CCDC34: variants seen among roughly 807,000 people sequenced by gnomAD.
CCDC34 encodes the protein coiled-coil domain containing 34, also known as coiled-coil domain-containing protein 34.
A neutral mutation model predicts 44.1 loss-of-function variants in CCDC34; 40 were observed. That is an observed-to-expected ratio of 0.91 (90% confidence interval 0.70 to 1.18). The LOEUF (loss-of-function observed/expected upper bound fraction) is 1.18. CCDC34 is among the 50% of genes most tolerant of loss of function. The probability of loss-of-function intolerance (pLI) is 0.00; values close to 1 mark genes in which losing one functional copy is unlikely to be tolerated. For synonymous variants in CCDC34, 159 were observed against 158.2 expected (o/e 1.01, Z -0.04); for missense variants, 466 against 452.3 (o/e 1.03, Z -0.28).
Position 27,350,403 on chromosome 11 carries a change from C to A in CCDC34, c.535G>T (p.Glu179Ter). The change falls in exon 3 of 6, where the codon GAA becomes TAA. Residue 179 changes from glutamate (E) to a stop codon, truncating the protein, a stop_gained. Transcript: ENST00000328697. LOFTEE classifies it high-confidence loss of function. Reference sequence around the variant, plus strand: ...ATTATCTTTCTTTTTTCACGTTCTTCCATTTCTTTTCTTTTTTCTAGTTGT... The same window carrying A: ...ATTATCTTTCTTTTTTCACGTTCTTACATTTCTTTTCTTTTTTCTAGTTGT... ...NQQLEKRKEM[E>*]EREKRKIIAE... 1 of 1,610,496 alleles carries A rather than the reference C, an allele frequency of 6.2e-7. No individual in the cohort carries two copies. Among genetic ancestry groups the A allele is most frequent in the Non-Finnish European group, 8.5e-7 (1 of 1,178,172 alleles).
intron 3 of CCDC34, chr11:27,349,956 G>A: frequency 4.6e-6 from 5 of 1,091,240 alleles, no homozygotes; most frequent in Non-Finnish European, 5.6e-6. Flanking sequence ...TGATGACCGA[G>A]AAGACAGCTG....
chr11:27,346,483 G>A (rs1165364620), intron 3 of CCDC34, among the ~76,000 whole-genome samples: 1 of 124,404 alleles, frequency 8.0e-6, no homozygotes, highest in Non-Finnish European at 1.6e-5. Context: ...AAGAAGGAAG[G>A]AAGGAAGGAA....
intron 3 of CCDC34, among the ~76,000 whole-genome samples, chr11:27,342,801 T>A (rs1862380158): frequency 6.6e-6 from 1 of 152,202 alleles, no homozygotes; most frequent in Non-Finnish European, 1.5e-5. Context: ...AGACTATAAC[T>A]CAATATTTTT....
chr11:27,361,316 T>C (rs1184823491), intron 1 of CCDC34, among the ~76,000 whole-genome samples: 7 of 152,222 alleles, frequency 4.6e-5, no homozygotes, highest in Non-Finnish European at 8.8e-5. Context: ...TCTTGGAAAC[T>C]AATGCAAGGT....
At chr11:27,362,590 C>T (rs1350656342) in intron 1 of CCDC34, among the ~76,000 whole-genome samples, 1 of 152,052 alleles carries the variant, frequency 6.6e-6, no homozygotes, top group Non-Finnish European at 1.5e-5. Flanking sequence ...GTACATTTTT[C>T]TGGGAAGTGA....
Position 27,358,491 on chromosome 11 carries a change from T to C in CCDC34, c.360-950A>G, listed in dbSNP as rs559121401. 2.0e-5 allele frequency among the ~76,000 whole-genome samples: 3 copies of C among 152,358 alleles called. No individual in the cohort carries two copies. The East Asian group carries it at 5.8e-4, about 29-fold the overall frequency. ...TTCACCCACTGCTTTGCACAACTTT[T>C]CTACTTCATAGATTCAGCTTACTCA... On this transcript the variant is annotated intron_variant, in intron 1 of 5. Coordinates refer to ENST00000328697, the MANE Select transcript of CCDC34 (RefSeq NM_030771.2).
At chr11:27,358,956 G>T in intron 1 of CCDC34, among the ~76,000 whole-genome samples, 1 of 52,470 alleles carries the variant, frequency 1.9e-5, no homozygotes, top group African/African-American at 3.8e-5. Flanking sequence ...GTCAACATGT[G>T]GACCCCCCCC....
chr11:27,358,759 T>C (rs893081775), intron 1 of CCDC34, among the ~76,000 whole-genome samples: 4 of 152,148 alleles, frequency 2.6e-5, no homozygotes, highest in African/African-American at 9.7e-5. Context: ...TTTCCAACTA[T>C]GTGATACATA....
rs1862598650 is a variant in CCDC34 at position 27,357,636 on chromosome 11, G to C, written c.360-95C>G. 7 of 1,038,944 alleles carry C rather than the reference G, an allele frequency of 6.7e-6. 1 individual carries two copies. The South Asian group carries it at 1.7e-4, about 25-fold the overall frequency. 64.4% of individuals were successfully genotyped at this position (1,038,944 alleles called of 1,614,324 possible). On this transcript the variant is annotated intron_variant, in intron 1 of 5. Transcript: ENST00000328697. ...TGTACAGTAAAAGCAAAACTTAATA[G>C]TGTATTTTCAATATTGTGATTTTTA... is the stretch of plus-strand genomic sequence containing the variant.
intron 3 of CCDC34, among the ~76,000 whole-genome samples, chr11:27,345,650 G>C (rs373688868): frequency 1.3e-5 from 2 of 152,038 alleles, no homozygotes; most frequent in South Asian, 4.1e-4. Context: ...ATTCCATGGT[G>C]TATATGTGCC....
Position 27,350,076 on chromosome 11 carries a change from G to C in CCDC34, c.606+256C>G, listed in dbSNP as rs1265605273. ...TTGCCATAAGGATCCAAAAGGTCAG[G>C]CCTAGAAATACAGACTTGGTGACTG... is the stretch of plus-strand genomic sequence containing the variant. On this transcript the variant is annotated intron_variant, in intron 3 of 5. Coordinates refer to ENST00000328697, the MANE Select transcript of CCDC34 (RefSeq NM_030771.2). 5 of 1,342,960 alleles carry C rather than the reference G, an allele frequency of 3.7e-6. No homozygotes were observed. The Admixed American group carries it at 1.8e-4, about 48-fold the overall frequency. 83.2% of individuals were successfully genotyped at this position (1,342,960 alleles called of 1,614,324 possible).
At chr11:27,339,913 T>C (rs1157821069) in intron 5 of CCDC34, among the ~76,000 whole-genome samples, 2 of 152,208 alleles carry the variant, frequency 1.3e-5, no homozygotes, top group African/African-American at 4.8e-5. Flanking sequence ...CCACTGCTTA[T>C]TACTCTTTTT....
chr11:27,341,665 A>G (rs1862360920), intron 3 of CCDC34, 115 bp from the exon 4 acceptor site: 2 of 518,166 alleles, frequency 3.9e-6, no homozygotes, highest in Admixed American at 3.8e-5. Flanking sequence ...AATAGACATG[A>G]TATCATGGCA....
At chr11:27,339,166 T>C (rs1054000977) in intron 5 of CCDC34, 131 bp from the exon 6 acceptor site, 2 of 649,088 alleles carry the variant, frequency 3.1e-6, no homozygotes, top group Non-Finnish European at 5.3e-6. Context: ...ATGTGACTTA[T>C]TTGAAACTTA....
chr11:27,360,740 C>CTG (rs1862650645), intron 1 of CCDC34, among the ~76,000 whole-genome samples: 1 of 152,218 alleles, frequency 6.6e-6, no homozygotes, highest in Non-Finnish European at 1.5e-5. Flanking sequence ...TTAGTAGTAC[C>CTG]TGTGGTTGGT....
At chr11:27,347,198 A>C (rs910775025) in intron 3 of CCDC34, among the ~76,000 whole-genome samples, 3 of 152,248 alleles carry the variant, frequency 2.0e-5, no homozygotes, top group Non-Finnish European at 4.4e-5. Flanking sequence ...AAAATGAAAA[A>C]GATTGGCCAT....
intron 3 of CCDC34, among the ~76,000 whole-genome samples, chr11:27,347,910 A>C (rs1026559309): frequency 6.6e-6 from 1 of 152,200 alleles, no homozygotes; most frequent in African/African-American, 2.4e-5. Context: ...AATTCTGAAA[A>C]AAAATCAGAC....
chr11:27,353,022 C>A (rs1050445414), intron 2 of CCDC34, among the ~76,000 whole-genome samples: 3 of 152,212 alleles, frequency 2.0e-5, no homozygotes, highest in African/African-American at 7.2e-5. Flanking sequence ...AAGGCCCCTA[C>A]ATGGTCTTCT....
At position 27,340,854 on chromosome 11, in the gene CCDC34, C is replaced by G. The variant is rs776148946; in HGVS notation, c.766-17G>C. On this transcript the variant is annotated splice_polypyrimidine_tract_variant and intron_variant, in intron 4 of 5. Coordinates refer to ENST00000328697, the MANE Select transcript of CCDC34 (RefSeq NM_030771.2). ...TTCTTTTTCCTTAAAATGACAAGAC[C>G]AAAATATTTCCAGGGATATTCTGTA... 13 of 1,606,560 alleles carry G rather than the reference C, an allele frequency of 8.1e-6. No homozygotes were observed. The highest frequency in any genetic ancestry group is 1.7e-5 in the Admixed American group (1 of 59,164).
Sources: gnomAD v4.1 joint callset for allele counts (sites outside exome capture counted in the v4.1 genomes callset) on GRCh38, gnomAD v4.1.1 for gene constraint, MANE v1.5 for transcripts, NCBI Gene and HGNC (gene_info 2026-07-23, HGNC 2026-07-21) for gene names.